ICA1: variants seen among roughly 807,000 people sequenced by gnomAD.
ICA1 encodes islet cell autoantigen 1.
ICA1 carries 40 observed loss-of-function variants against 71.0 expected under a neutral mutation model. The observed-to-expected ratio is 0.56, with a 90% CI of 0.44 to 0.73. ICA1 has a LOEUF of 0.73. Ranked by LOEUF, ICA1 falls within the 30% of genes least tolerant of loss-of-function variation. The pLI is 0.00. For synonymous variants in ICA1, 207 were observed against 209.5 expected, an observed-to-expected ratio of 0.99 and a Z score of 0.10; for missense variants, 578 against 576.5, an observed-to-expected ratio of 1.00 and a Z score of -0.03.
chr7:8,158,696 G>A, intron 6 of ICA1, 44 bp from the exon 7 acceptor site: 1 of 1,592,946 alleles, frequency 6.3e-7, no homozygotes, highest in South Asian at 1.1e-5. Context: ...TAACCCTTAA[G>A]TAGGTAAAAT....
chr7:8,235,030 G>A (rs1801409068), intron 2 of ICA1, among the ~76,000 whole-genome samples: 1 of 152,122 alleles, frequency 6.6e-6, no homozygotes, highest in African/African-American at 2.4e-5. Context: ...CAGGCGTGGT[G>A]GCACATGCCT....
At chr7:8,124,638 C>A (rs1788437219) in intron 13 of ICA1, among the ~76,000 whole-genome samples, 1 of 152,160 alleles carries the variant, frequency 6.6e-6, no homozygotes, top group African/African-American at 2.4e-5. Flanking sequence ...TGCTGGGAAT[C>A]TGTAAGTGTG....
intron 12 of ICA1, among the ~76,000 whole-genome samples, chr7:8,136,960 G>T (rs538877704): frequency 5.3e-5 from 8 of 151,934 alleles, no homozygotes; most frequent in African/African-American, 1.9e-4. Flanking sequence ...TGCCATTTCT[G>T]ATTTAATTCT....
chr7:8,209,890 T>C (rs1200142302), intron 6 of ICA1, among the ~76,000 whole-genome samples: 1 of 151,998 alleles, frequency 6.6e-6, no homozygotes, highest in African/African-American at 2.4e-5. Flanking sequence ...TTAATGAGGC[T>C]GGAAACACAG....
intron 12 of ICA1, among the ~76,000 whole-genome samples, chr7:8,134,233 C>A (rs1792517359): frequency 6.6e-6 from 1 of 152,142 alleles, no homozygotes; most frequent in Admixed American, 6.5e-5. Context: ...AAACCCTATG[C>A]CCCTGGGAGA....
chr7:8,234,767 T>C lies in ICA1; in HGVS notation c.17+1143A>G, dbSNP rs1801320336. Reference sequence around the variant, plus strand: ...AATAAGATAATGTATAAAACTTATGTAAAAGATAATCTCTCTATAGAATAT... The same window carrying C: ...AATAAGATAATGTATAAAACTTATGCAAAAGATAATCTCTCTATAGAATAT... On this transcript the variant is annotated intron_variant, in intron 2 of 13. Transcript: ENST00000402384. The surrounding 1 kb of genome is among the most constrained non-coding windows in gnomAD (Gnocchi z 4.5). 1.3e-5 allele frequency among the ~76,000 whole-genome samples: 2 copies of C among 152,234 alleles called. No individual in the cohort carries two copies. Among genetic ancestry groups the C allele is most frequent in the South Asian group, 4.1e-4 (2 of 4,824 alleles).
At chr7:8,259,921 T>C (rs1438067054) in intron 1 of ICA1, among the ~76,000 whole-genome samples, 1 of 152,184 alleles carries the variant, frequency 6.6e-6, no homozygotes, top group East Asian at 1.9e-4. Flanking sequence ...TCATTAGTGA[T>C]CTATGTTGCC....
rs571238069 is a variant in ICA1 at position 8,152,281 on chromosome 7, G to C, written c.804+4835C>G. Among the ~76,000 whole-genome samples the C allele has an allele frequency of 1.7e-3, 255 of 152,124 alleles. 2 individuals are homozygous for C. Among genetic ancestry groups the C allele is most frequent in the African/African-American group, 5.8e-3 (239 of 41,456 alleles). On this transcript the variant is annotated intron_variant, in intron 8 of 13. Transcript: ENST00000402384. ...AAACTCACATAAAACTGACAATCTA[G>C]GGTGAAATGGAGAGTGAGAAAGTAA...
At chr7:8,179,046 T>A (rs1781423274) in intron 6 of ICA1, among the ~76,000 whole-genome samples, 1 of 152,182 alleles carries the variant, frequency 6.6e-6, no homozygotes, top group African/African-American at 2.4e-5. Context: ...TCCATAAAAC[T>A]CTTCCATACA....
chr7:8,192,510 G>C (rs1382872342), intron 6 of ICA1, among the ~76,000 whole-genome samples: 3 of 152,192 alleles, frequency 2.0e-5, no homozygotes, highest in Non-Finnish European at 4.4e-5. Context: ...GTGTTTGCCA[G>C]GTTTCTCCAT....
Position 8,113,642 on chromosome 7 carries a change from A to T in ICA1, c.*281T>A. ...ACTTGGATCTCACGGTAGCCCAGTGACACCGCAGCAGCCATGATGGGATGT... is the reference window on the plus strand; with the variant it reads ...ACTTGGATCTCACGGTAGCCCAGTGTCACCGCAGCAGCCATGATGGGATGT... On this transcript the variant is annotated 3_prime_UTR_variant, in exon 14 of 14. Coordinates refer to ENST00000402384, the MANE Select transcript of ICA1 (RefSeq NM_001136020.3). The surrounding 1 kb of genome is among the most constrained non-coding windows in gnomAD (Gnocchi z 4.2). 3.7e-6 allele frequency: 1 copy of T among 269,776 alleles called. No individual in the cohort carries two copies. The highest frequency in any genetic ancestry group is 7.2e-6 in the Non-Finnish European group (1 of 139,444). 16.7% of individuals were successfully genotyped at this position (269,776 alleles called of 1,614,324 possible). A position where few individuals can be genotyped will look rare whatever the true frequency, so the allele number is the denominator to read the frequency against.
chr7:8,227,727 G>A (rs1583486870), intron 4 of ICA1: 1 of 415,928 alleles, frequency 2.4e-6, no homozygotes, highest in Non-Finnish European at 4.8e-6. Context: ...GACTGCACAT[G>A]CACGGTACCC....
rs966656192 is a variant in ICA1, at chr7:8,157,970, G to A, written c.705+557C>T. On this transcript the variant is annotated intron_variant, in intron 7 of 13. Coordinates refer to ENST00000402384, the MANE Select transcript of ICA1 (RefSeq NM_001136020.3). The stretch of plus-strand genomic sequence containing the variant: ...CTCCCAAAGTGCTAGGATTACAGGT[G>A]AGAGCCACTGTGCCCAGCCCTGGTC... Among the ~76,000 whole-genome samples, 38 of 152,234 alleles carry A rather than the reference G, an allele frequency of 2.5e-4. 1 individual carries two copies. Among genetic ancestry groups the A allele is most frequent in the African/African-American group, 7.2e-4 (30 of 41,566 alleles).
Position 8,225,315 on chromosome 7 carries a change from A to G in ICA1, c.256+3286T>C, listed in dbSNP as rs532516396. Reference sequence around the variant, plus strand: ...CTCTCTTCATATAGATTTAAGGGAAATTAATTTTATTCTATGGGTTATAAT... The same window carrying G: ...CTCTCTTCATATAGATTTAAGGGAAGTTAATTTTATTCTATGGGTTATAAT... On this transcript the variant is annotated intron_variant, in intron 4 of 13. Transcript: ENST00000402384. 2.3e-3 allele frequency among the ~76,000 whole-genome samples: 344 copies of G among 152,294 alleles called. 2 individuals are homozygous for G. Among genetic ancestry groups the G allele is most frequent in the Non-Finnish European group, 3.4e-3 (233 of 68,026 alleles).
intron 6 of ICA1, 46 bp from the exon 7 acceptor site, chr7:8,158,698 AG>A: frequency 6.3e-7 from 1 of 1,590,140 alleles, no homozygotes; most frequent in South Asian, 1.1e-5. Flanking sequence ...ACCCTTAAGT[AG>A]GTAAAATTTG....
intron 1 of ICA1, among the ~76,000 whole-genome samples, chr7:8,248,343 T>C (rs977290663): frequency 1.3e-5 from 2 of 150,072 alleles, no homozygotes; most frequent in Admixed American, 6.6e-5. Flanking sequence ...TTATTCAACA[T>C]TTCTATTTTC....
intron 6 of ICA1, among the ~76,000 whole-genome samples, chr7:8,212,317 C>T (rs1161918864): frequency 6.6e-6 from 1 of 152,220 alleles, no homozygotes; most frequent in African/African-American, 2.4e-5. Flanking sequence ...GTACTCCCAG[C>T]ACTTTGGGAG....
At chr7:8,255,489 C>A (rs900321860) in intron 1 of ICA1, among the ~76,000 whole-genome samples, 1 of 152,088 alleles carries the variant, frequency 6.6e-6, no homozygotes, top group African/African-American at 2.4e-5. Flanking sequence ...ACTTTACTTG[C>A]TCTCATTAGG....
chr7:8,248,423 T>C (rs1489983663), intron 1 of ICA1, among the ~76,000 whole-genome samples: 1 of 152,172 alleles, frequency 6.6e-6, no homozygotes, highest in Non-Finnish European at 1.5e-5. Flanking sequence ...TTTTCCCCCA[T>C]AAGAAATAAC....
Sources: gnomAD v4.1 joint callset for allele counts (sites outside exome capture counted in the v4.1 genomes callset) on GRCh38, gnomAD v4.1.1 for gene constraint, Gnocchi (gnomAD v3.1) non-coding constraint, MANE v1.5 for transcripts, NCBI Gene and HGNC (gene_info 2026-07-23, HGNC 2026-07-21) for gene names.